Variants in KDM4A observed in about 807,000 individuals in gnomAD.
KDM4A encodes lysine-specific demethylase 4A.
A neutral mutation model predicts 127.1 loss-of-function variants in KDM4A; 23 were observed. The ratio of observed to expected loss-of-function variants is 0.18; its 90% CI spans 0.13 to 0.26. The LOEUF (loss-of-function observed/expected upper bound fraction) is 0.26. Ranked by LOEUF, KDM4A falls within the 10% of genes least tolerant of loss-of-function variation. The pLI is 1.00. For synonymous variants in KDM4A, 443 were observed against 466.5 expected (o/e 0.95, Z 0.65); for missense variants, 890 against 1,329.1 (o/e 0.67, Z 5.14).
chr1:43,693,295 CAG>C lies in KDM4A; in HGVS notation c.2376-694_2376-693del, dbSNP rs1471830368. Among the ~76,000 whole-genome samples the C allele has an allele frequency of 6.6e-6, 1 of 152,242 alleles. No homozygotes were observed. Among genetic ancestry groups the C allele is most frequent in the African/African-American group, 2.4e-5 (1 of 41,460 alleles). On this transcript the variant is annotated intron_variant, in intron 16 of 21. Transcript: ENST00000372396. The surrounding 1 kb of genome is among the most constrained non-coding windows in gnomAD (Gnocchi z 4.2). ...TAAAAAGACAGCCCCACTAGAACTG[CAG>C]AGAGCTTCCATGGAGCCCCAGTGTT...
At chr1:43,668,624 A>G (rs143305686) in intron 9 of KDM4A, among the ~76,000 whole-genome samples, 158 of 152,298 alleles carry the variant, frequency 1.0e-3, no homozygotes, top group Middle Eastern at 3.4e-3. Flanking sequence ...TCTGAGCCAG[A>G]AAAGTCATGT....
chr1:43,665,685 T>C lies in KDM4A; in HGVS notation c.624-11T>C, dbSNP rs1215750742. On this transcript the variant is annotated splice_polypyrimidine_tract_variant and intron_variant, in intron 5 of 21. Coordinates refer to ENST00000372396, the MANE Select transcript of KDM4A (RefSeq NM_014663.3). ...CTCCACCCAGCCTCTGATGCTCTCA[T>C]GTGATTGCAGGTACTCTGTTCCACC... The C allele has an allele frequency of 6.2e-7, 1 of 1,613,698 alleles. No individual in the cohort carries two copies.
chr1:43,668,340 C>T (rs554600026), intron 9 of KDM4A, among the ~76,000 whole-genome samples: 23 of 152,108 alleles, frequency 1.5e-4, no homozygotes, highest in South Asian at 6.2e-4. Flanking sequence ...TTAGCCAGGA[C>T]GGTCTCGATC....
At chr1:43,689,256 A>G (rs759514515) in intron 13 of KDM4A, among the ~76,000 whole-genome samples, 161 bp downstream of exon 13, 2 of 152,258 alleles carry the variant, frequency 1.3e-5, no homozygotes, top group African/African-American at 2.4e-5. Flanking sequence ...TTCTCCAGGC[A>G]GATAACCCAG....
chr1:43,675,311 C>T (rs2154047609), intron 11 of KDM4A, among the ~76,000 whole-genome samples: 1 of 152,328 alleles, frequency 6.6e-6, no homozygotes, highest in South Asian at 2.1e-4. Context: ...TCAAGGAGCT[C>T]ACAGTCTAGG....
chr1:43,698,715 A>T (rs1014948017), intron 19 of KDM4A, among the ~76,000 whole-genome samples: 3 of 152,240 alleles, frequency 2.0e-5, no homozygotes, highest in African/African-American at 7.2e-5. Context: ...CTAAAAGCAC[A>T]TTCATTAGTT....
chr1:43,695,110 G>A (rs567558049), intron 18 of KDM4A, among the ~76,000 whole-genome samples: 5 of 152,250 alleles, frequency 3.3e-5, no homozygotes, highest in South Asian at 4.1e-4. Flanking sequence ...TAGTTGATTC[G>A]TTTTGATTAT....
At chr1:43,660,482 C>T (rs757901404) in intron 4 of KDM4A, 70 bp downstream of exon 4, 286 of 1,528,400 alleles carry the variant, frequency 1.9e-4, no homozygotes, top group East Asian at 3.0e-4. Flanking sequence ...CGGCCCGGCA[C>T]GTAGTAGGCA....
intron 6 of KDM4A, 73 bp downstream of exon 6, chr1:43,665,818 C>G: frequency 1.3e-6 from 2 of 1,484,874 alleles, no homozygotes; most frequent in Middle Eastern, 1.7e-4. Flanking sequence ...CTAAAATGTG[C>G]GTTCCCCATG....
chr1:43,668,225 A>G lies in KDM4A; in HGVS notation c.1163+206A>G, dbSNP rs1660543627. On this transcript the variant is annotated intron_variant, in intron 9 of 21. Transcript: ENST00000372396. ...ACTGCAAGCCCCGCCTCCCGGGTTC[A>G]GGCCATTCTTCTGCCTCAGCCTCCC... 2.0e-5 allele frequency among the ~76,000 whole-genome samples: 3 copies of G among 152,090 alleles called. No homozygotes were observed. The South Asian group carries it at 6.2e-4, about 32-fold the overall frequency.
At chr1:43,655,147 G>A (rs944593938) in intron 2 of KDM4A, among the ~76,000 whole-genome samples, 2 of 152,142 alleles carry the variant, frequency 1.3e-5, no homozygotes, top group Non-Finnish European at 2.9e-5. Flanking sequence ...ACTGTGCCCG[G>A]CCTCAAGATT....
intron 11 of KDM4A, among the ~76,000 whole-genome samples, chr1:43,681,130 CG>C (rs1660848455): frequency 6.6e-6 from 1 of 152,090 alleles, no homozygotes; most frequent in Non-Finnish European, 1.5e-5. Context: ...CTTTGTCCAC[CG>C]GAACTTATCT....
At chr1:43,660,274 A>G (rs368166379) in intron 3 of KDM4A, 24 bp from the exon 4 acceptor site, 1 of 1,587,334 alleles carries the variant, frequency 6.3e-7, no homozygotes, top group African/African-American at 1.7e-5. Context: ...AGTGGTTTAC[A>G]TGTTTCTTTT....
At position 43,682,455 on chromosome 1, in the gene KDM4A, A is replaced by T. The variant is rs554480041; in HGVS notation, c.1735-1229A>T. The stretch of plus-strand genomic sequence containing the variant: ...TCTATGGTCATGTAAGTCTTCATGG[A>T]CATCAGTAGGAAAAGGTCCCTGATA... On this transcript the variant is annotated intron_variant, in intron 11 of 21. Transcript: ENST00000372396. Among the ~76,000 whole-genome samples the T allele has an allele frequency of 5.9e-5, 9 of 152,304 alleles. No homozygotes were observed. The South Asian group carries it at 1.7e-3, about 28-fold the overall frequency.
chr1:43,652,755 C>T (rs1660145424), intron 1 of KDM4A, among the ~76,000 whole-genome samples: 1 of 148,656 alleles, frequency 6.7e-6, no homozygotes, highest in Non-Finnish European at 1.5e-5. Flanking sequence ...AATCTTGGCT[C>T]ACTGCAACCT....
Position 43,697,997 on chromosome 1 carries a change from A to G in KDM4A, c.2825A>G (p.Tyr942Cys), listed in dbSNP as rs1442168749. Residue 942 changes from tyrosine (Y) to cysteine (C), a missense_variant, in exon 19 of 22, where the codon TAT (tyrosine) becomes TGT (cysteine). Physicochemically the swap from Tyr to Cys is radical, Grantham distance 194 (BLOSUM62 -2). Coordinates refer to ENST00000372396, the MANE Select transcript of KDM4A (RefSeq NM_014663.3). ...GATGGCTCCTTCAGCGACAATCTTTATCCTGAGGACATAGTGGTAATATCT... is the reference window on the plus strand; with the variant it reads ...GATGGCTCCTTCAGCGACAATCTTTGTCCTGAGGACATAGTGGTAATATCT... ...FDDGSFSDNL[Y>C]PEDIVSQDCL... 1.2e-6 allele frequency: 2 copies of G among 1,613,384 alleles called. No individual in the cohort carries two copies. The highest frequency in any genetic ancestry group is 1.7e-6 in the Non-Finnish European group (2 of 1,179,910).
chr1:43,655,457 G>T (rs1452665252), intron 2 of KDM4A, 134 bp from the exon 3 acceptor site: 2 of 737,406 alleles, frequency 2.7e-6, no homozygotes. Flanking sequence ...ACTGTGTTTT[G>T]GTGAATGTGG....
At chr1:43,660,659 G>A (rs1266233948) in intron 4 of KDM4A, among the ~76,000 whole-genome samples, 1 of 152,192 alleles carries the variant, frequency 6.6e-6, no homozygotes, top group African/African-American at 2.4e-5. Flanking sequence ...TGTTAGCATA[G>A]TCGGTGGGTG....
In KDM4A at chr1:43,688,113, T is replaced by A. The variant is rs184033661; in HGVS notation, c.1856-801T>A. Among the ~76,000 whole-genome samples, 311 of 152,222 alleles carry A rather than the reference T, an allele frequency of 2.0e-3. 1 individual carries two copies. The highest frequency in any genetic ancestry group is 0.01 in the Middle Eastern group (3 of 294). On this transcript the variant is annotated intron_variant, in intron 12 of 21. Transcript: ENST00000372396. The surrounding 1 kb of genome is among the most constrained non-coding windows in gnomAD (Gnocchi z 4.4). ...GTCCAAGCTACTTGGGCAGCTGTGA[T>A]GGGAGGATCACTTGAGCCCAGGAGT... is the stretch of plus-strand genomic sequence containing the variant.
Sources: allele counts gnomAD v4.1 joint callset (sites outside exome capture counted in the v4.1 genomes callset), GRCh38; gene constraint gnomAD v4.1.1; non-coding constraint Gnocchi (gnomAD v3.1); transcripts MANE v1.5; gene names NCBI Gene and HGNC (gene_info 2026-07-23, HGNC 2026-07-21).